CAMKMT: variants seen among roughly 807,000 people sequenced by gnomAD.
The protein encoded by CAMKMT is CaM KMT.
CAMKMT carries 53 observed loss-of-function variants against 48.0 expected under a neutral mutation model. That is an observed-to-expected ratio of 1.10 (90% CI 0.89 to 1.39). The LOEUF is 1.39. CAMKMT is among the 40% of genes most tolerant of loss of function. The pLI is 0.00. For synonymous variants in CAMKMT, 165 were observed against 152.3 expected (o/e 1.08, Z -0.61); for missense variants, 428 against 402.7 (o/e 1.06, Z -0.54).
At chr2:44,649,718 C>T (rs772720037) in intron 3 of CAMKMT, among the ~76,000 whole-genome samples, 1 of 152,164 alleles carries the variant, frequency 6.6e-6, no homozygotes, top group Non-Finnish European at 1.5e-5. Context: ...AGTAATTATT[C>T]AAATATGTTA....
rs12987925 is a variant in CAMKMT at position 44,634,467 on chromosome 2, C to A, written c.377-69816C>A. On this transcript the variant is annotated intron_variant, in intron 3 of 10. Transcript: ENST00000378494. ...AATTGGAGGTCAACTCTAGTACCAG[C>A]TTTCAGTCATCACTAGAAGCAGAAG... Among the ~76,000 whole-genome samples the A allele has an allele frequency of 1.3e-4, 19 of 151,742 alleles. No individual in the cohort carries two copies. In the East Asian group the frequency reaches 3.7e-3, roughly 29 times the overall value.
At chr2:44,702,201 G>C (rs1193969876) in intron 3 of CAMKMT, among the ~76,000 whole-genome samples, 1 of 151,722 alleles carries the variant, frequency 6.6e-6, no homozygotes, top group African/African-American at 2.4e-5. Context: ...TTGGTGTAGA[G>C]CATTGTCTTA....
At chr2:44,763,331 C>T (rs1022262784) in intron 9 of CAMKMT, among the ~76,000 whole-genome samples, 1 of 152,182 alleles carries the variant, frequency 6.6e-6, no homozygotes, top group Non-Finnish European at 1.5e-5. Flanking sequence ...CCCATCATAG[C>T]AGCTGACTCT....
intron 3 of CAMKMT, among the ~76,000 whole-genome samples, chr2:44,426,096 A>T (rs1027120957): frequency 6.6e-6 from 1 of 152,232 alleles, no homozygotes; most frequent in African/African-American, 2.4e-5. Flanking sequence ...ATACCATGAG[A>T]ATCATTTTAC....
At chr2:44,506,823 A>G (rs1347634358) in intron 3 of CAMKMT, among the ~76,000 whole-genome samples, 1 of 152,184 alleles carries the variant, frequency 6.6e-6, no homozygotes, top group Non-Finnish European at 1.5e-5. Context: ...TCATATTTCA[A>G]AATGTGTTAG....
At chr2:44,470,693 T>A (rs1668367306) in intron 3 of CAMKMT, among the ~76,000 whole-genome samples, 1 of 152,218 alleles carries the variant, frequency 6.6e-6, no homozygotes, top group Non-Finnish European at 1.5e-5. Context: ...CTAATATATA[T>A]GCATGTCTGT....
intron 3 of CAMKMT, among the ~76,000 whole-genome samples, chr2:44,535,394 G>C (rs976272318): frequency 3.9e-5 from 6 of 152,136 alleles, no homozygotes; most frequent in African/African-American, 1.4e-4. Context: ...TATGAGGCCA[G>C]CATTACCCTG....
At chr2:44,450,725 T>A (rs1323110284) in intron 3 of CAMKMT, among the ~76,000 whole-genome samples, 1 of 152,116 alleles carries the variant, frequency 6.6e-6, no homozygotes, top group African/African-American at 2.4e-5. Context: ...AAAGTACAAT[T>A]CACTATTTCT....
chr2:44,715,906 G>A (rs186886806), intron 7 of CAMKMT, among the ~76,000 whole-genome samples: 2 of 152,242 alleles, frequency 1.3e-5, no homozygotes, highest in African/African-American at 4.8e-5. Context: ...ACCCTGCTCT[G>A]TTTCATGATT....
At chr2:44,759,323 G>T (rs1336436964) in intron 9 of CAMKMT, among the ~76,000 whole-genome samples, 1 of 152,128 alleles carries the variant, frequency 6.6e-6, no homozygotes, top group Non-Finnish European at 1.5e-5. Context: ...CTTTTGCCAT[G>T]TTGCCCAGGC....
At chr2:44,514,101 CAAA>C (rs5830791) in intron 3 of CAMKMT, among the ~76,000 whole-genome samples, 36 of 115,258 alleles carry the variant, frequency 3.1e-4, no homozygotes, top group Non-Finnish European at 3.9e-4. Context: ...GACCCTGTCT[CAAA>C]AAAAAAAAAA....
intron 3 of CAMKMT, among the ~76,000 whole-genome samples, chr2:44,538,102 G>A (rs1010502041): frequency 1.4e-4 from 22 of 152,130 alleles, no homozygotes; most frequent in Admixed American, 7.9e-4. Flanking sequence ...GGGCGTGGTC[G>A]CTCACACCTG....
intron 1 of CAMKMT, among the ~76,000 whole-genome samples, chr2:44,362,899 A>AGT: frequency 6.6e-6 from 1 of 152,330 alleles, no homozygotes; most frequent in East Asian, 1.9e-4. Context: ...CACTTCTTGA[A>AGT]GTGAAGTCTG....
intron 3 of CAMKMT, among the ~76,000 whole-genome samples, chr2:44,635,090 G>A (rs1673049079): frequency 6.6e-6 from 1 of 152,160 alleles, no homozygotes; most frequent in Admixed American, 6.5e-5. Flanking sequence ...ATAAATAAAA[G>A]AAGAAATATT....
intron 3 of CAMKMT, among the ~76,000 whole-genome samples, chr2:44,594,452 ACC>A (rs1403930537): frequency 6.6e-6 from 1 of 152,226 alleles, no homozygotes; most frequent in African/African-American, 2.4e-5. Context: ...TGGTACTGGT[ACC>A]AAAACAGATA....
At chr2:44,724,134 A>G (rs886303371) in intron 7 of CAMKMT, among the ~76,000 whole-genome samples, 1 of 152,096 alleles carries the variant, frequency 6.6e-6, no homozygotes, top group Non-Finnish European at 1.5e-5. Flanking sequence ...AGCCAGGTGC[A>G]GTGGCGTGTG....
In CAMKMT at chr2:44,442,969, C is replaced by T. The variant is rs528820291; in HGVS notation, c.376+52664C>T. 4.6e-5 allele frequency among the ~76,000 whole-genome samples: 7 copies of T among 152,318 alleles called. No homozygotes were observed. In the East Asian group the frequency reaches 9.6e-4, roughly 21 times the overall value. ...AATGTACTTGAATTCTTCCAACCAGCCTTTTCTTTTGTGCTGCTTTTCTTT... is the reference window on the plus strand; with the variant it reads ...AATGTACTTGAATTCTTCCAACCAGTCTTTTCTTTTGTGCTGCTTTTCTTT... On this transcript the variant is annotated intron_variant, in intron 3 of 10. Coordinates refer to ENST00000378494, the MANE Select transcript of CAMKMT (RefSeq NM_024766.5).
chr2:44,706,366 C>G (rs1427628797), intron 5 of CAMKMT, 25 bp downstream of exon 5: 2 of 1,611,418 alleles, frequency 1.2e-6, no homozygotes, highest in Non-Finnish European at 1.7e-6. Flanking sequence ...CATTCCAATC[C>G]CATTCAGAGG....
intron 3 of CAMKMT, among the ~76,000 whole-genome samples, chr2:44,456,207 C>T (rs1023146445): frequency 6.6e-6 from 1 of 151,976 alleles, no homozygotes; most frequent in African/African-American, 2.4e-5. Context: ...TATTTATGTG[C>T]GTGAGTATGA....
Sources: allele counts gnomAD v4.1 joint callset (sites outside exome capture counted in the v4.1 genomes callset), GRCh38; gene constraint gnomAD v4.1.1; transcripts MANE v1.5; gene names NCBI Gene and HGNC (gene_info 2026-07-23, HGNC 2026-07-21).